The following SIRPB2 variants were observed in gnomAD, a reference collection of about 807,000 sequenced individuals.
The protein encoded by SIRPB2 is signal regulatory protein beta 2, also known as signal-regulatory protein beta-2.
In SIRPB2, 18 loss-of-function variants were observed where a neutral mutation model predicts 27.1. The ratio of observed to expected loss-of-function variants is 0.66; its 90% CI spans 0.46 to 0.98. The LOEUF is 0.98. SIRPB2 is among the 50% of genes least tolerant of loss of function. The pLI is 0.00. For missense variants in SIRPB2, 420 were observed against 417.4 expected (o/e 1.01, Z -0.06); for synonymous variants, 150 against 164.6 (o/e 0.91, Z 0.68).
At chr20:1,490,144 T>C (rs1360679767) in intron 1 of SIRPB2, among the ~76,000 whole-genome samples, 2 of 152,214 alleles carry the variant, frequency 1.3e-5, no homozygotes, top group Non-Finnish European at 2.9e-5. Flanking sequence ...GCCTAAAACA[T>C]AGCAGACACT....
rs544055565 is a variant in SIRPB2 at position 1,486,099 on chromosome 20, G to C, written c.85+5176C>G. 2.2e-5 allele frequency among the ~76,000 whole-genome samples: 3 copies of C among 136,582 alleles called. No homozygotes were observed. The South Asian group carries it at 7.8e-4, about 35-fold the overall frequency. 89.6% of individuals were successfully genotyped at this position (136,582 alleles called of 152,430 possible). ...TTCTTTTTTTTTTTTTTGAGACAGG[G>C]CCTCACTCTGTCACCCAGGCTGGAA... On this transcript the variant is annotated intron_variant, in intron 1 of 4. Coordinates refer to ENST00000359801, the MANE Select transcript of SIRPB2 (RefSeq NM_001122962.2).
intron 1 of SIRPB2, among the ~76,000 whole-genome samples, chr20:1,480,845 C>A: frequency 6.6e-6 from 1 of 152,350 alleles, no homozygotes; most frequent in African/African-American, 2.4e-5. Flanking sequence ...CAAGCCCTCT[C>A]AACCTGTTTC....
At chr20:1,482,625 T>C (rs6135064) in intron 1 of SIRPB2, among the ~76,000 whole-genome samples, 23,090 of 140,898 alleles carry the variant, frequency 0.16, 2,986 homozygotes, top group East Asian at 0.76. Flanking sequence ...TGGAGTGCAA[T>C]GGCACTATCT....
rs751462223 is a variant in SIRPB2 at position 1,478,414 on chromosome 20, C to T, written c.645G>A (p.Glu215=). 21 of 1,614,032 alleles carry T rather than the reference C, an allele frequency of 1.3e-5. No homozygotes were observed. Among genetic ancestry groups the T allele is most frequent in the South Asian group, 7.7e-5 (7 of 91,086 alleles). ...CATTGTTGGAGGCCTGCACCGCTGT[C>T]TCCTTGGGGTGGGAGATGCCTCCAA... The part of the protein sequence containing the change: ...YNFGGISHPK[E]TAVQASNNDF... Residue 215 remains glutamate (E), a synonymous_variant, in exon 3 of 5, where the codon GAG becomes GAA. Transcript: ENST00000359801.
chr20:1,482,142 T>C (rs2090677370), intron 1 of SIRPB2, among the ~76,000 whole-genome samples: 1 of 152,216 alleles, frequency 6.6e-6, no homozygotes, highest in African/African-American at 2.4e-5. Flanking sequence ...ATCGATAGAA[T>C]AAAGACTGGG....
At chr20:1,477,761 C>T (rs377290436) in intron 3 of SIRPB2, among the ~76,000 whole-genome samples, 5 of 152,184 alleles carry the variant, frequency 3.3e-5, no homozygotes, top group East Asian at 1.9e-4. Context: ...CTGCAACCTC[C>T]GCCTCCCAGG....
At chr20:1,486,080 T>C (rs1274048827) in intron 1 of SIRPB2, among the ~76,000 whole-genome samples, 3 of 144,190 alleles carry the variant, frequency 2.1e-5, no homozygotes, top group Non-Finnish European at 3.1e-5. Flanking sequence ...TCTTTTCTTT[T>C]TTTTTTTTTT....
At chr20:1,484,483 A>G (rs901910544) in intron 1 of SIRPB2, among the ~76,000 whole-genome samples, 1 of 152,194 alleles carries the variant, frequency 6.6e-6, no homozygotes, top group African/African-American at 2.4e-5. Flanking sequence ...CAAAATATAC[A>G]GGAAACTCAA....
chr20:1,474,266 G>T (rs1421447056), downstream of SIRPB2, among the ~76,000 whole-genome samples: 1 of 152,138 alleles, frequency 6.6e-6, no homozygotes, highest in African/African-American at 2.4e-5. Flanking sequence ...AACAGTCAAA[G>T]GTTCCAGAGA....
Position 1,478,452 on chromosome 20 carries a change from C to T in SIRPB2, c.607G>A (p.Ala203Thr). The change falls in exon 3 of 5, where the codon GCC becomes ACC. Residue 203 changes from alanine (A) to threonine (T), a missense_variant. Ala to Thr is a moderately conservative substitution (Grantham distance 58). Coordinates refer to ENST00000359801, the MANE Select transcript of SIRPB2 (RefSeq NM_001122962.2). The part of the protein sequence containing the change: ...WFQGAGLSRE[A>T]IYNFGGISHP... Reference sequence around the variant, plus strand: ...GAGATGCCTCCAAAGTTGTAAATGGCCTCCCGGCTCAGACCAGCTCCCTGG... The same window carrying T: ...GAGATGCCTCCAAAGTTGTAAATGGTCTCCCGGCTCAGACCAGCTCCCTGG... 1 of 1,614,184 alleles carries T rather than the reference C, an allele frequency of 6.2e-7. No individual in the cohort carries two copies. Among genetic ancestry groups the T allele is most frequent in the East Asian group, 2.2e-5 (1 of 44,876 alleles).
At chr20:1,477,317 C>A in intron 4 of SIRPB2, 21 bp downstream of exon 4, 1 of 1,614,252 alleles carries the variant, frequency 6.2e-7, no homozygotes, top group South Asian at 1.1e-5. Context: ...TCATTGACTC[C>A]ACTGAGGTGG....
At chr20:1,481,137 T>C (rs2090667016) in intron 1 of SIRPB2, among the ~76,000 whole-genome samples, 1 of 152,206 alleles carries the variant, frequency 6.6e-6, no homozygotes, top group Non-Finnish European at 1.5e-5. Context: ...GTAGATGCTG[T>C]TATAATCTCA....
chr20:1,488,479 C>T (rs935036086), intron 1 of SIRPB2, among the ~76,000 whole-genome samples: 1 of 151,870 alleles, frequency 6.6e-6, no homozygotes, highest in Non-Finnish European at 1.5e-5. Context: ...ACTAACCAAC[C>T]AACCAGACAA....
chr20:1,484,877 T>C (rs923311325), intron 1 of SIRPB2, among the ~76,000 whole-genome samples: 1 of 152,124 alleles, frequency 6.6e-6, no homozygotes, highest in African/African-American at 2.4e-5. Context: ...ATACCACTAC[T>C]GGATGGCCAG....
intron 2 of SIRPB2, chr20:1,479,111 C>A (rs1288057407): frequency 1.8e-5 from 3 of 163,914 alleles, no homozygotes; most frequent in African/African-American, 7.2e-5. Flanking sequence ...GTTTTTCAAG[C>A]AAAGCACTTG....
At position 1,491,329 on chromosome 20, in the gene SIRPB2, G is replaced by A; in HGVS notation, c.31C>T (p.Leu11=). The change falls in exon 1 of 5, where the codon CTG becomes TTG. Residue 11 remains leucine (L), a synonymous_variant. Coordinates refer to ENST00000359801, the MANE Select transcript of SIRPB2 (RefSeq NM_001122962.2). ...AGGAAGCAGGGAGGCAAGTGGGCCA[G>A]GCAGGTGGGGGCCGACATCGTGGAG... MCSTMSAPTC[L]AHLPPCFLLL... 6.2e-7 allele frequency: 1 copy of A among 1,610,898 alleles called. No homozygotes were observed.
At chr20:1,471,751 G>C (rs1481769930), downstream of SIRPB2, among the ~76,000 whole-genome samples, 1 of 152,204 alleles carries the variant, frequency 6.6e-6, no homozygotes, top group East Asian at 1.9e-4. Context: ...TCCTTGGGTT[G>C]TCAGGTTATA....
downstream of SIRPB2, chr20:1,471,076 T>C (rs2090579984): frequency 6.6e-6 from 1 of 152,248 alleles, no homozygotes; most frequent in Non-Finnish European, 1.5e-5. Context: ...TTGCTGTGTG[T>C]CTCTTGGCTG....
chr20:1,478,265 C>A lies in SIRPB2; in HGVS notation c.793+1G>T. 1 of 1,609,144 alleles carries A rather than the reference C, an allele frequency of 6.2e-7. No homozygotes were observed. Among genetic ancestry groups the A allele is most frequent in the Non-Finnish European group, 8.5e-7 (1 of 1,176,176 alleles). ...GACAAGTCCAAAACCAATTGTCTCA[C>A]CTTTCACTTTCAGGCTGGTGCCCTG... On this transcript the variant is annotated splice_donor_variant, in intron 3 of 4. Transcript: ENST00000359801. LOFTEE classifies it high-confidence loss of function.
Sources: gnomAD v4.1 joint callset for allele counts (sites outside exome capture counted in the v4.1 genomes callset) on GRCh38, gnomAD v4.1.1 for gene constraint, MANE v1.5 for transcripts, NCBI Gene and HGNC (gene_info 2026-07-23, HGNC 2026-07-21) for gene names.